Variants in SYTL2 observed in about 807,000 individuals in gnomAD.
SYTL2 encodes the protein synaptotagmin-like protein 2.
SYTL2 carries 165 observed loss-of-function variants against 198.7 expected under a neutral mutation model. The ratio of observed to expected loss-of-function variants is 0.83; its 90% CI spans 0.73 to 0.94. The LOEUF (loss-of-function observed/expected upper bound fraction) is 0.94. Ranked by LOEUF, SYTL2 falls within the 40% of genes least tolerant of loss-of-function variation. SYTL2 has a pLI of 0.00. For synonymous variants in SYTL2, 966 were observed against 917.7 expected, an observed-to-expected ratio of 1.05 and a Z score of -0.95; for missense variants, 2,835 against 2,582.8, an observed-to-expected ratio of 1.10 and a Z score of -2.12.
At chr11:85,787,178 G>A (rs1403360528) in intron 1 of SYTL2, among the ~76,000 whole-genome samples, 1 of 152,134 alleles carries the variant, frequency 6.6e-6, no homozygotes, top group African/African-American at 2.4e-5. Context: ...TTTCTTGTGT[G>A]TTCTTGTGCC....
chr11:85,798,598 T>C (rs1306743854), intron 1 of SYTL2, among the ~76,000 whole-genome samples: 1 of 152,222 alleles, frequency 6.6e-6, no homozygotes, highest in Non-Finnish European at 1.5e-5. Context: ...TTCACAGCTA[T>C]GACTTATTAC....
At chr11:85,837,297 A>G in the SYTL2 span, among the ~76,000 whole-genome samples, 3 of 152,152 alleles carry the variant, frequency 2.0e-5, no homozygotes, top group Admixed American at 6.5e-5. Context: ...GGCCCAATTC[A>G]GTAGAACTGC....
chr11:85,831,879 G>A, the SYTL2 span, among the ~76,000 whole-genome samples: 34 of 152,192 alleles, frequency 2.2e-4, no homozygotes, highest in East Asian at 1.3e-3. Flanking sequence ...TACTTAAAAT[G>A]TACAACTTAA....
At chr11:85,707,268 T>C (rs2085324209) in intron 15 of SYTL2, among the ~76,000 whole-genome samples, 161 bp downstream of exon 15, 1 of 152,192 alleles carries the variant, frequency 6.6e-6, no homozygotes, top group Non-Finnish European at 1.5e-5. Flanking sequence ...GTATACAACA[T>C]TCAGGTTGTT....
chr11:85,704,816 C>T lies in SYTL2; in HGVS notation c.6189+42G>A, dbSNP rs763859762. ...GCTTTTTCCTATACACTAGGTACCA[C>T]ATCAACCAACCAAATAAACAAACAA... On this transcript the variant is annotated intron_variant, in intron 16 of 19. Coordinates refer to ENST00000359152, the MANE Select transcript of SYTL2 (RefSeq NM_206927.4). 13 of 1,578,544 alleles carry T rather than the reference C, an allele frequency of 8.2e-6. No individual in the cohort carries two copies. The East Asian group carries it at 1.3e-4, about 16-fold the overall frequency.
chr11:85,809,292 A>G (rs1223158669), intron 1 of SYTL2, among the ~76,000 whole-genome samples: 1 of 152,230 alleles, frequency 6.6e-6, no homozygotes, highest in Non-Finnish European at 1.5e-5. Flanking sequence ...TAAAGCAAAC[A>G]GGGCCCTGCC....
intron 12 of SYTL2, among the ~76,000 whole-genome samples, chr11:85,711,896 A>T (rs552157861): frequency 6.6e-6 from 1 of 152,210 alleles, no homozygotes; most frequent in Non-Finnish European, 1.5e-5. Context: ...ACATTTTTTA[A>T]AAAGAAGTAA....
At chr11:85,830,266 G>A in the SYTL2 span, among the ~76,000 whole-genome samples, 1 of 152,078 alleles carries the variant, frequency 6.6e-6, no homozygotes, top group African/African-American at 2.4e-5. Context: ...TGGAGACCAT[G>A]CTTTGAAAAC....
chr11:85,709,213 C>T, intron 14 of SYTL2, 118 bp downstream of exon 14: 1 of 965,952 alleles, frequency 1.0e-6, no homozygotes, highest in Non-Finnish European at 1.6e-6. Flanking sequence ...CCCAACTTTT[C>T]AAACATTCCT....
At chr11:85,737,700 G>T in intron 4 of SYTL2, 44 bp from the exon 5 acceptor site, 1 of 1,532,956 alleles carries the variant, frequency 6.5e-7, no homozygotes. Context: ...CTCACCTTTT[G>T]AGGAATCATA....
rs374173535 is a variant in SYTL2 at position 85,725,376 on chromosome 11, G to A, written c.3982C>T (p.Pro1328Ser). 22 of 1,613,988 alleles carry A rather than the reference G, an allele frequency of 1.4e-5. No individual in the cohort carries two copies. Among genetic ancestry groups the A allele is most frequent in the Non-Finnish European group, 1.9e-5 (22 of 1,179,996 alleles). ...KGSFGDVASP[P>S]QDMLFPQDAH... Reference sequence around the variant, plus strand: ...TCCTGGGGAAAAAGCATATCTTGGGGAGGGCTGGCCACATCCCCAAAAGAA... The same window carrying A: ...TCCTGGGGAAAAAGCATATCTTGGGAAGGGCTGGCCACATCCCCAAAAGAA... Residue 1328 changes from proline (P) to serine (S), a missense_variant, in exon 8 of 20, where the codon CCC becomes TCC. Physicochemically the swap from Pro to Ser is moderately conservative, Grantham distance 74. This residue lies in a region of SYTL2 where 2,645 missense variants were observed against 2,381.7 expected (regional missense o/e 1.11). Coordinates refer to ENST00000359152, the MANE Select transcript of SYTL2 (RefSeq NM_206927.4).
intron 1 of SYTL2, among the ~76,000 whole-genome samples, chr11:85,791,651 GTTGT>G (rs2092732837): frequency 6.6e-6 from 1 of 150,806 alleles, no homozygotes; most frequent in Non-Finnish European, 1.5e-5. Flanking sequence ...ACAGCAAACA[GTTGT>G]TTTCCAATGT....
At chr11:85,728,106 G>A in intron 7 of SYTL2, 139 bp from the exon 8 acceptor site, 1 of 707,522 alleles carries the variant, frequency 1.4e-6, no homozygotes, top group Non-Finnish European at 2.2e-6. Flanking sequence ...CATTTTTCAG[G>A]GGTTAAAATG....
intron 1 of SYTL2, among the ~76,000 whole-genome samples, chr11:85,810,493 A>T (rs1592104239): frequency 6.6e-6 from 1 of 152,056 alleles, no homozygotes; most frequent in Non-Finnish European, 1.5e-5. Context: ...ATTCCAAAAC[A>T]CGTCTTATTT....
chr11:85,775,757 G>A (rs578174580), intron 1 of SYTL2, among the ~76,000 whole-genome samples: 15 of 152,146 alleles, frequency 9.9e-5, no homozygotes, highest in East Asian at 5.8e-4. Context: ...CTAGGATTAC[G>A]GGTATAAACC....
At chr11:85,785,372 A>T (rs1352603558) in intron 1 of SYTL2, among the ~76,000 whole-genome samples, 1 of 152,236 alleles carries the variant, frequency 6.6e-6, no homozygotes, top group Non-Finnish European at 1.5e-5. Flanking sequence ...CCCGTCAGGT[A>T]CGGAAAACAG....
At chr11:85,784,604 A>G (rs1043361190) in intron 1 of SYTL2, among the ~76,000 whole-genome samples, 2 of 152,204 alleles carry the variant, frequency 1.3e-5, no homozygotes, top group African/African-American at 4.8e-5. Context: ...AGGGTCCATA[A>G]TTATATTATT....
chr11:85,748,968 A>T (rs991655008), intron 2 of SYTL2, among the ~76,000 whole-genome samples: 4 of 152,134 alleles, frequency 2.6e-5, no homozygotes, highest in Non-Finnish European at 4.4e-5. Flanking sequence ...CTTTCCTGGA[A>T]GCCTGTGGAG....
chr11:85,834,327 T>C, the SYTL2 span, among the ~76,000 whole-genome samples: 5 of 152,320 alleles, frequency 3.3e-5, no homozygotes, highest in South Asian at 1.0e-3. Context: ...TTGTTGCTTC[T>C]ATTTACCTTG....
Sources: allele counts gnomAD v4.1 joint callset (sites outside exome capture counted in the v4.1 genomes callset), GRCh38; gene constraint gnomAD v4.1.1; regional missense constraint gnomAD v4.1.1; transcripts MANE v1.5; gene names NCBI Gene and HGNC (gene_info 2026-07-23, HGNC 2026-07-21).